The following CADM2 variants were observed in gnomAD, a reference collection of about 807,000 sequenced individuals.
CADM2 encodes the protein cell adhesion molecule 2, also known as immunoglobulin superfamily member 4D.
In CADM2, 12 loss-of-function variants were observed where a neutral mutation model predicts 49.8. The observed-to-expected ratio is 0.24, with a 90% CI of 0.15 to 0.39. CADM2 has a LOEUF of 0.39. Ranked by LOEUF, CADM2 falls within the 10% of genes least tolerant of loss-of-function variation. CADM2 has a pLI of 1.00. For missense variants in CADM2, 378 were observed against 492.3 expected (o/e 0.77, Z 2.20); for synonymous variants, 214 against 175.4 (o/e 1.22, Z -1.74).
chr3:85,848,534 T>G (rs1032628348), intron 3 of CADM2, among the ~76,000 whole-genome samples: 3 of 152,290 alleles, frequency 2.0e-5, no homozygotes, highest in African/African-American at 4.8e-5. Flanking sequence ...TAATTTAAGA[T>G]AATTGTGTTA....
intron 1 of CADM2, among the ~76,000 whole-genome samples, chr3:84,971,831 T>A (rs1397724266): frequency 3.2e-4 from 48 of 152,072 alleles, no homozygotes; most frequent in Non-Finnish European, 1.5e-5. Context: ...TAGGGATATT[T>A]TCTCCCAGGA....
chr3:84,969,559 T>C (rs1430202242), intron 1 of CADM2, among the ~76,000 whole-genome samples: 1 of 151,836 alleles, frequency 6.6e-6, no homozygotes, highest in African/African-American at 2.4e-5. Flanking sequence ...TTCTAAAAGA[T>C]TTAATCTTGA....
chr3:85,342,020 A>G (rs2045253214), intron 1 of CADM2, among the ~76,000 whole-genome samples: 1 of 152,200 alleles, frequency 6.6e-6, no homozygotes, highest in African/African-American at 2.4e-5. Context: ...ATTGGATCTA[A>G]TTAAACTAAA....
chr3:85,276,370 TA>T (rs1262877235), intron 1 of CADM2, among the ~76,000 whole-genome samples: 4 of 151,328 alleles, frequency 2.6e-5, no homozygotes, highest in African/African-American at 9.7e-5. Flanking sequence ...AAGATTCTTT[TA>T]AAAATCCTTT....
At chr3:85,630,404 C>T (rs1391336922) in intron 1 of CADM2, among the ~76,000 whole-genome samples, 4 of 151,994 alleles carry the variant, frequency 2.6e-5, no homozygotes, top group African/African-American at 9.7e-5. Context: ...TCAAAGATCT[C>T]TTTCTGTGGG....
intron 1 of CADM2, among the ~76,000 whole-genome samples, chr3:85,288,783 T>TCCC (rs2043698302): frequency 4.4e-5 from 3 of 67,652 alleles, no homozygotes; most frequent in African/African-American, 6.4e-5. Flanking sequence ...TTTACCAATA[T>TCCC]GCCCCCCCCC....
chr3:85,662,285 A>G (rs1307929521), intron 1 of CADM2, among the ~76,000 whole-genome samples: 6 of 150,574 alleles, frequency 4.0e-5, no homozygotes, highest in Admixed American at 1.3e-4. Context: ...TGATGCCAGC[A>G]ATGTGGTAAA....
intron 1 of CADM2, among the ~76,000 whole-genome samples, chr3:85,114,133 C>A (rs2038558543): frequency 6.6e-6 from 1 of 152,118 alleles, no homozygotes; most frequent in African/African-American, 2.4e-5. Flanking sequence ...GAGAAAAATT[C>A]TCTCTTTACA....
chr3:85,007,929 T>C (rs567762154), intron 1 of CADM2, among the ~76,000 whole-genome samples: 2 of 152,278 alleles, frequency 1.3e-5, no homozygotes, highest in South Asian at 4.1e-4. Context: ...CTAGTTGGCC[T>C]TGTCAGAAAA....
Position 85,028,482 on chromosome 3 carries a change from T to TA in CADM2, c.61+68821dup, listed in dbSNP as rs977929662. ...TGTTAGAACTAAGAAAACTATGAAT[T>TA]AAAAAAATTGTATAATTTACCTAAG... On this transcript the variant is annotated intron_variant, in intron 1 of 9. Transcript: ENST00000383699. Among the ~76,000 whole-genome samples the TA allele has an allele frequency of 3.9e-5, 6 of 152,200 alleles. No individual in the cohort carries two copies. In the South Asian group the frequency reaches 6.2e-4, roughly 16 times the overall value.
At chr3:85,963,650 A>T (rs1241538454) in intron 8 of CADM2, among the ~76,000 whole-genome samples, 1 of 151,932 alleles carries the variant, frequency 6.6e-6, no homozygotes, top group Admixed American at 6.6e-5. Flanking sequence ...GACAGAAAAA[A>T]TAATATACCT....
chr3:86,057,274 T>C (rs1339627212), intron 8 of CADM2, among the ~76,000 whole-genome samples: 4 of 152,156 alleles, frequency 2.6e-5, no homozygotes, highest in Non-Finnish European at 4.4e-5. Flanking sequence ...AGTGCCCCTC[T>C]TTCTGAAGAA....
At chr3:85,349,043 T>G (rs1461101387) in intron 1 of CADM2, among the ~76,000 whole-genome samples, 1 of 152,118 alleles carries the variant, frequency 6.6e-6, no homozygotes, top group African/African-American at 2.4e-5. Flanking sequence ...TGTATAACCC[T>G]AAATATTCAG....
At chr3:85,414,700 T>A (rs1159182210) in intron 1 of CADM2, among the ~76,000 whole-genome samples, 1 of 152,212 alleles carries the variant, frequency 6.6e-6, no homozygotes, top group Non-Finnish European at 1.5e-5. Flanking sequence ...ATAAGCACTT[T>A]ACCAGCTCCC....
chr3:85,106,203 G>A (rs1447664910), intron 1 of CADM2, among the ~76,000 whole-genome samples: 1 of 152,126 alleles, frequency 6.6e-6, no homozygotes, highest in Non-Finnish European at 1.5e-5. Flanking sequence ...GAGAGCAGAG[G>A]TAAAGTGAGG....
At chr3:85,726,593 C>A (rs1577173596) in intron 2 of CADM2, 45 bp downstream of exon 2, 1 of 1,470,118 alleles carries the variant, frequency 6.8e-7, no homozygotes, top group Non-Finnish European at 9.5e-7. Context: ...ATTCATTTTT[C>A]TGCTCAATCT....
intron 1 of CADM2, among the ~76,000 whole-genome samples, chr3:85,513,282 A>G (rs1245909406): frequency 1.3e-5 from 2 of 152,006 alleles, no homozygotes; most frequent in Non-Finnish European, 1.5e-5. Context: ...ACATGGCTTT[A>G]GAATTTTGTA....
chr3:85,337,199 C>T (rs2045113379), intron 1 of CADM2, among the ~76,000 whole-genome samples: 1 of 150,292 alleles, frequency 6.7e-6, no homozygotes. Context: ...TGTTAAATTG[C>T]AGCATCTTTA....
intron 1 of CADM2, among the ~76,000 whole-genome samples, chr3:85,467,426 T>C (rs936863243): frequency 6.6e-6 from 1 of 152,152 alleles, no homozygotes; most frequent in African/African-American, 2.4e-5. Flanking sequence ...CCTCAAATAT[T>C]GGAAATTTAA....
Sources: allele counts gnomAD v4.1 joint callset (sites outside exome capture counted in the v4.1 genomes callset), GRCh38; gene constraint gnomAD v4.1.1; transcripts MANE v1.5; gene names NCBI Gene and HGNC (gene_info 2026-07-23, HGNC 2026-07-21).